DCAF1: variants seen among roughly 807,000 people sequenced by gnomAD.
DCAF1 encodes DDB1- and CUL4-associated factor 1.
A neutral mutation model predicts 128.0 loss-of-function variants in DCAF1; 15 were observed. The ratio of observed to expected loss-of-function variants is 0.12; its 90% CI spans 0.08 to 0.18. The LOEUF is 0.18. DCAF1 is among the 10% of genes least tolerant of loss of function. The pLI is 1.00. For synonymous variants in DCAF1, 610 were observed against 603.0 expected (o/e 1.01, Z -0.17); for missense variants, 988 against 1,649.5 (o/e 0.60, Z 6.95).
intron 13 of DCAF1, among the ~76,000 whole-genome samples, chr3:51,422,744 G>A (rs782093439): frequency 7.2e-5 from 11 of 152,128 alleles, no homozygotes; most frequent in Non-Finnish European, 1.5e-4. Context: ...TTTGGTGAGA[G>A]TAGAAATTAG....
intron 6 of DCAF1, among the ~76,000 whole-genome samples, chr3:51,444,446 G>C (rs1248625575): frequency 6.6e-6 from 1 of 151,848 alleles, no homozygotes; most frequent in African/African-American, 2.4e-5. Context: ...CGTCTCCCAG[G>C]TTCAAGCGAT....
intron 2 of DCAF1, among the ~76,000 whole-genome samples, chr3:51,489,771 G>A (rs897114430): frequency 1.3e-5 from 2 of 149,832 alleles, no homozygotes; most frequent in African/African-American, 4.9e-5. Flanking sequence ...TGGGTGACAG[G>A]TAAGACTCTG....
intron 3 of DCAF1, among the ~76,000 whole-genome samples, chr3:51,479,900 GC>G (rs782295202): frequency 1.3e-5 from 2 of 151,846 alleles, no homozygotes; most frequent in Non-Finnish European, 2.9e-5. Context: ...CAAAGTGGTG[GC>G]CAGTATGGTG....
chr3:51,410,815 C>A (rs909411576), intron 23 of DCAF1, among the ~76,000 whole-genome samples: 10 of 152,178 alleles, frequency 6.6e-5, no homozygotes, highest in Admixed American at 1.3e-4. Flanking sequence ...TTTCCCCGGT[C>A]CTGTGATGCC....
chr3:51,473,819 T>G (rs1195493239), intron 3 of DCAF1, among the ~76,000 whole-genome samples: 3 of 151,682 alleles, frequency 2.0e-5, no homozygotes, highest in Non-Finnish European at 4.4e-5. Flanking sequence ...TCTTTTTTTT[T>G]TTGAGATGGA....
At chr3:51,400,020 T>C (rs1336162722) in intron 24 of DCAF1, among the ~76,000 whole-genome samples, 1 of 152,060 alleles carries the variant, frequency 6.6e-6, no homozygotes, top group Non-Finnish European at 1.5e-5. Context: ...GGAGGAAAAC[T>C]GAAGTGGACA....
In DCAF1 at chr3:51,414,140, G is replaced by A. The variant is rs1577072454; in HGVS notation, c.3838-97C>T. ...ATATCACTTTTTTTCCTCCTGCCAGGTATTGATACTTTAAAAGTCAATGAG... is the reference window on the plus strand; with the variant it reads ...ATATCACTTTTTTTCCTCCTGCCAGATATTGATACTTTAAAAGTCAATGAG... On this transcript the variant is annotated intron_variant, in intron 19 of 24. Transcript: ENST00000684031. The A allele has an allele frequency of 6.4e-6, 9 of 1,408,320 alleles. No homozygotes were observed. The South Asian group carries it at 1.5e-4, about 24-fold the overall frequency. 87.2% of individuals were successfully genotyped at this position (1,408,320 alleles called of 1,614,324 possible).
At chr3:51,408,998 C>G (rs1186069131) in intron 23 of DCAF1, among the ~76,000 whole-genome samples, 1 of 152,196 alleles carries the variant, frequency 6.6e-6, no homozygotes, top group South Asian at 2.1e-4. Context: ...GGCTGGGCTC[C>G]AGAGCCACTC....
intron 6 of DCAF1, among the ~76,000 whole-genome samples, chr3:51,452,131 C>G (rs1702419647): frequency 6.6e-6 from 1 of 152,048 alleles, no homozygotes; most frequent in Middle Eastern, 3.4e-3. Context: ...TTCACTGCAG[C>G]GTCCACCTCC....
At chr3:51,483,982 G>C (rs1706598137) in intron 2 of DCAF1, 146 bp from the exon 3 acceptor site, 5 of 621,652 alleles carry the variant, frequency 8.0e-6, no homozygotes, top group Non-Finnish European at 1.4e-5. Context: ...GGATTTATTT[G>C]TGGTACAGCA....
At chr3:51,473,856 T>A (rs1337069279) in intron 3 of DCAF1, among the ~76,000 whole-genome samples, 1 of 151,308 alleles carries the variant, frequency 6.6e-6, no homozygotes, top group Non-Finnish European at 1.5e-5. Flanking sequence ...CAGGCTGGAG[T>A]GCAATGGCAC....
At chr3:51,465,815 G>C (rs1479113158) in intron 5 of DCAF1, among the ~76,000 whole-genome samples, 1 of 152,168 alleles carries the variant, frequency 6.6e-6, no homozygotes, top group Non-Finnish European at 1.5e-5. Flanking sequence ...TCGTGTGCCA[G>C]GCTCTCTGCC....
At chr3:51,409,641 G>A (rs1386869399) in intron 23 of DCAF1, among the ~76,000 whole-genome samples, 1 of 152,214 alleles carries the variant, frequency 6.6e-6, no homozygotes, top group East Asian at 1.9e-4. Flanking sequence ...GCAGTCGACA[G>A]CCACCCATAC....
At chr3:51,401,215 T>C (rs1242017894) in intron 24 of DCAF1, among the ~76,000 whole-genome samples, 1 of 148,044 alleles carries the variant, frequency 6.8e-6, no homozygotes, top group Non-Finnish European at 1.5e-5. Context: ...AATCAGGGAG[T>C]CCCTGCAGAC....
rs1206625023 is a variant in DCAF1, at chr3:51,442,047, A to G, written c.514-150T>C. On this transcript the variant is annotated intron_variant, in intron 7 of 24. Coordinates refer to ENST00000684031, the MANE Select transcript of DCAF1 (RefSeq NM_001387579.1). ...ACAATTTGATAAATGCGTTGCTTTG[A>G]TTCCTATAAGTTGATGAAATAAGTA... 3 of 1,159,144 alleles carry G rather than the reference A, an allele frequency of 2.6e-6. No individual in the cohort carries two copies. In the African/African-American group the frequency reaches 4.6e-5, roughly 18 times the overall value. The allele number at this position is 1,159,144 out of a possible 1,614,324, so 71.8% of individuals were successfully genotyped here.
chr3:51,436,524 C>A, intron 9 of DCAF1: 1 of 469,990 alleles, frequency 2.1e-6, no homozygotes, highest in Admixed American at 2.3e-5. Flanking sequence ...AAAAGCTACC[C>A]TATGCTAGGA....
chr3:51,439,740 C>A (rs1701192785), intron 9 of DCAF1, among the ~76,000 whole-genome samples: 1 of 151,822 alleles, frequency 6.6e-6, no homozygotes, highest in South Asian at 2.1e-4. Flanking sequence ...TCCTGTAATC[C>A]CTACATTCTG....
chr3:51,492,790 A>G (rs74675102), intron 2 of DCAF1, among the ~76,000 whole-genome samples: 11,190 of 151,362 alleles, frequency 0.074, 965 homozygotes, highest in East Asian at 0.33. Flanking sequence ...GTCAGGAGAC[A>G]GAGACCATCC....
chr3:51,441,928 T>C, intron 7 of DCAF1, 31 bp from the exon 8 acceptor site: 1 of 1,551,332 alleles, frequency 6.4e-7, no homozygotes, highest in Non-Finnish European at 8.6e-7. Flanking sequence ...AAAAAGGGGG[T>C]GCCTCTTTAT....
Sources: gnomAD v4.1 joint callset for allele counts (sites outside exome capture counted in the v4.1 genomes callset) on GRCh38, gnomAD v4.1.1 for gene constraint, MANE v1.5 for transcripts, NCBI Gene and HGNC (gene_info 2026-07-23, HGNC 2026-07-21) for gene names.